The following NOS1AP variants were observed in gnomAD, a reference collection of about 807,000 sequenced individuals.
NOS1AP encodes carboxyl-terminal PDZ ligand of neuronal nitric oxide synthase protein.
In NOS1AP, 21 loss-of-function variants were observed where a neutral mutation model predicts 56.2. The ratio of observed to expected loss-of-function variants is 0.37; its 90% CI spans 0.26 to 0.54. The LOEUF is 0.54. Among genes scored for constraint, NOS1AP ranks in the 20% least tolerant of loss-of-function variants. The pLI, the probability that NOS1AP is intolerant of heterozygous loss-of-function variation, is 0.84. For synonymous variants in NOS1AP, 270 were observed against 274.6 expected (o/e 0.98, Z 0.17); for missense variants, 522 against 657.8 (o/e 0.79, Z 2.26).
intron 8 of NOS1AP, among the ~76,000 whole-genome samples, chr1:162,360,073 A>G (rs1657849601): frequency 7.7e-6 from 1 of 130,312 alleles, no homozygotes; most frequent in Non-Finnish European, 1.5e-5. Context: ...CATGGGGACC[A>G]GGCTTAGGTT....
chr1:162,102,349 C>T (rs1294702431), intron 1 of NOS1AP, among the ~76,000 whole-genome samples: 2 of 152,098 alleles, frequency 1.3e-5, no homozygotes, highest in Non-Finnish European at 2.9e-5. Context: ...TTTGGTTTGC[C>T]AGTATTTTAT....
intron 1 of NOS1AP, among the ~76,000 whole-genome samples, chr1:162,119,778 G>A (rs1648127996): frequency 6.6e-6 from 1 of 152,182 alleles, no homozygotes; most frequent in African/African-American, 2.4e-5. Flanking sequence ...GTATTGAAGG[G>A]TAGCAAAAGG....
At chr1:162,125,103 C>A (rs561785453) in intron 1 of NOS1AP, among the ~76,000 whole-genome samples, 1 of 149,256 alleles carries the variant, frequency 6.7e-6, no homozygotes, top group South Asian at 2.1e-4. Flanking sequence ...TACACCACAT[C>A]CATGCCAACA....
At chr1:162,082,070 T>C (rs1691907954) in intron 1 of NOS1AP, among the ~76,000 whole-genome samples, 1 of 152,094 alleles carries the variant, frequency 6.6e-6, no homozygotes, top group Non-Finnish European at 1.5e-5. Context: ...TTCTTTTTCC[T>C]GATCCTCTCC....
At chr1:162,169,622 C>A (rs1650668819) in intron 2 of NOS1AP, among the ~76,000 whole-genome samples, 1 of 152,198 alleles carries the variant, frequency 6.6e-6, no homozygotes, top group Non-Finnish European at 1.5e-5. Context: ...TCTGTCCTCA[C>A]AGAGGAGACT....
At chr1:162,141,595 T>G (rs1349941654) in intron 1 of NOS1AP, among the ~76,000 whole-genome samples, 1 of 152,200 alleles carries the variant, frequency 6.6e-6, no homozygotes, top group Admixed American at 6.5e-5. Context: ...CTCACCTCCG[T>G]CTCCTTTCAC....
Position 162,111,386 on chromosome 1 carries a change from C to G in NOS1AP, c.105+41104C>G, listed in dbSNP as rs577491663. ...GCTCCCCACATCCTCATCCCAGCCCCCTGGTGATGTAGGCGTGGTTGGGGC... is the reference window on the plus strand; with the variant it reads ...GCTCCCCACATCCTCATCCCAGCCCGCTGGTGATGTAGGCGTGGTTGGGGC... On this transcript the variant is annotated intron_variant, in intron 1 of 9. Transcript: ENST00000361897. Among the ~76,000 whole-genome samples, 3 of 152,332 alleles carry G rather than the reference C, an allele frequency of 2.0e-5. No homozygotes were observed. The East Asian group carries it at 5.8e-4, about 29-fold the overall frequency.
At chr1:162,364,670 A>G (rs1431889177) in intron 8 of NOS1AP, 3 of 985,496 alleles carry the variant, frequency 3.0e-6, no homozygotes, top group Non-Finnish European at 3.6e-6. Context: ...AGGCCCTCTC[A>G]TGAATCAGTC....
At chr1:162,352,349 G>A (rs894725108) in intron 6 of NOS1AP, among the ~76,000 whole-genome samples, 9 of 149,076 alleles carry the variant, frequency 6.0e-5, no homozygotes, top group Admixed American at 2.7e-4. Flanking sequence ...GTGAGCCACC[G>A]CGCCTGGCCT....
chr1:162,304,667 G>T (rs150625230), intron 4 of NOS1AP, among the ~76,000 whole-genome samples: 3 of 151,982 alleles, frequency 2.0e-5, no homozygotes, highest in Non-Finnish European at 4.4e-5. Flanking sequence ...TTAGCAACTT[G>T]TGTTTAAAAA....
intron 2 of NOS1AP, among the ~76,000 whole-genome samples, chr1:162,270,146 G>A (rs1654540300): frequency 6.6e-6 from 1 of 152,186 alleles, no homozygotes; most frequent in South Asian, 2.1e-4. Flanking sequence ...TAGGTATGGG[G>A]TAGTGTTTAT....
chr1:162,160,685 T>C (rs1650165957), intron 2 of NOS1AP, among the ~76,000 whole-genome samples: 1 of 152,198 alleles, frequency 6.6e-6, no homozygotes, highest in Admixed American at 6.5e-5. Context: ...CACCATTTAC[T>C]CCTTTGTCAT....
In NOS1AP at chr1:162,230,851, T is replaced by C. The variant is rs943186436; in HGVS notation, c.178-56493T>C. On this transcript the variant is annotated intron_variant, in intron 2 of 9. Transcript: ENST00000361897. The stretch of plus-strand genomic sequence containing the variant: ...CCTCCTTTTAAAGGCTAATATTTCA[T>C]TGTATGTAGGTAGCATATTTTGTGT... Among the ~76,000 whole-genome samples, 9 of 152,206 alleles carry C rather than the reference T, an allele frequency of 5.9e-5. No individual in the cohort carries two copies. In the East Asian group the frequency reaches 1.7e-3, roughly 29 times the overall value.
chr1:162,241,786 T>A (rs1653496108), intron 2 of NOS1AP, among the ~76,000 whole-genome samples: 1 of 152,106 alleles, frequency 6.6e-6, no homozygotes, highest in Non-Finnish European at 1.5e-5. Context: ...CCAGATGAGG[T>A]GACAGATGTC....
intron 5 of NOS1AP, among the ~76,000 whole-genome samples, chr1:162,339,968 T>C (rs1175467318): frequency 6.6e-6 from 1 of 152,114 alleles, no homozygotes; most frequent in Non-Finnish European, 1.5e-5. Flanking sequence ...GCCTAAAAGG[T>C]CAAGGGACAT....
At chr1:162,305,235 T>G (rs905773898) in intron 4 of NOS1AP, among the ~76,000 whole-genome samples, 1 of 152,086 alleles carries the variant, frequency 6.6e-6, no homozygotes. Context: ...CACCACTGTT[T>G]CCAAAACTTT....
At position 162,125,130 on chromosome 1, in the gene NOS1AP, C is replaced by CTTTTTTTTTTTTTTTTTTTTT. The variant is rs56264198; in HGVS notation, c.106-29274_106-29254dup. ...ATGCCAACATCTATTGTTTCTGACT[C>CTTTTTTTTTTTTTTTTTTTTT]TTTTTTTTTTTTTTTTTTTTTAAGA... On this transcript the variant is annotated intron_variant, in intron 1 of 9. Transcript: ENST00000361897. 3.4e-4 allele frequency among the ~76,000 whole-genome samples: 42 copies of CTTTTTTTTTTTTTTTTTTTTT among 124,132 alleles called. 2 individuals are homozygous for CTTTTTTTTTTTTTTTTTTTTT. The highest frequency in any genetic ancestry group is 1.3e-3 in the African/African-American group (41 of 30,948). The allele number at this position is 124,132 out of a possible 152,430, so 81.4% of individuals were successfully genotyped here. A position where few individuals can be genotyped will look rare whatever the true frequency, so the allele number is the denominator to read the frequency against.
intron 2 of NOS1AP, among the ~76,000 whole-genome samples, chr1:162,158,401 C>T (rs1418344067): frequency 6.6e-6 from 1 of 152,136 alleles, no homozygotes; most frequent in East Asian, 1.9e-4. Context: ...TAACTATGAA[C>T]ATTTTGGTTG....
chr1:162,089,975 T>C (rs958839859), intron 1 of NOS1AP, among the ~76,000 whole-genome samples: 4 of 152,238 alleles, frequency 2.6e-5, no homozygotes, highest in African/African-American at 9.6e-5. Context: ...TACAATCATA[T>C]AGTCATTACA....
Sources: allele counts gnomAD v4.1 joint callset (sites outside exome capture counted in the v4.1 genomes callset), GRCh38; gene constraint gnomAD v4.1.1; transcripts MANE v1.5; gene names NCBI Gene and HGNC (gene_info 2026-07-23, HGNC 2026-07-21).